Variants in TLL1 observed in about 807,000 individuals in gnomAD.
TLL1 encodes tolloid-like protein 1.
In TLL1, 49 loss-of-function variants were observed where a neutral mutation model predicts 128.2. The observed-to-expected ratio is 0.38, with a 90% CI of 0.30 to 0.48. The LOEUF (loss-of-function observed/expected upper bound fraction) is 0.48. TLL1 is among the 20% of genes least tolerant of loss of function. The pLI is 0.96. For synonymous variants in TLL1, 454 were observed against 418.8 expected (o/e 1.08, Z -1.03); for missense variants, 1,123 against 1,242.0 (o/e 0.90, Z 1.44).
chr4:165,942,150 A>C (rs1188666123), intron 1 of TLL1, among the ~76,000 whole-genome samples: 4 of 151,750 alleles, frequency 2.6e-5, no homozygotes, highest in South Asian at 2.1e-4. Context: ...TTTTTTGGCC[A>C]TTTCTCTCCA....
At chr4:166,049,993 C>T (rs1009862349) in intron 12 of TLL1, among the ~76,000 whole-genome samples, 21 of 152,184 alleles carry the variant, frequency 1.4e-4, no homozygotes, top group African/African-American at 4.8e-4. Context: ...TATCTGATTA[C>T]ATTAGCTATG....
At chr4:166,002,524 A>G (rs1299224632) in intron 5 of TLL1, among the ~76,000 whole-genome samples, 1 of 152,098 alleles carries the variant, frequency 6.6e-6, no homozygotes, top group African/African-American at 2.4e-5. Flanking sequence ...AGCTCACTGC[A>G]GACTCAAACT....
intron 1 of TLL1, among the ~76,000 whole-genome samples, chr4:165,961,579 G>C (rs543587308): frequency 1.2e-4 from 19 of 152,100 alleles, no homozygotes; most frequent in Non-Finnish European, 2.5e-4. Flanking sequence ...ATACTGCAAG[G>C]CTACAGTAAC....
At chr4:165,908,013 A>C (rs1561021257) in intron 1 of TLL1, among the ~76,000 whole-genome samples, 1 of 152,220 alleles carries the variant, frequency 6.6e-6, no homozygotes, top group African/African-American at 2.4e-5. Flanking sequence ...GTGCTTCACA[A>C]TAGGTGTGAG....
intron 1 of TLL1, among the ~76,000 whole-genome samples, chr4:165,931,514 T>A (rs185902378): frequency 3.3e-5 from 5 of 149,268 alleles, no homozygotes; most frequent in Non-Finnish European, 5.9e-5. Flanking sequence ...GTCAGGAGAT[T>A]GAGACCTCCT....
In TLL1 at chr4:166,091,338, A is replaced by G. The variant is rs770866938; in HGVS notation, c.2653A>G (p.Thr885Ala). 1 of 1,612,034 alleles carries G rather than the reference A, an allele frequency of 6.2e-7. No individual in the cohort carries two copies. ...QRKGFQATHS[T>A]ECGGRLKAES... The stretch of plus-strand genomic sequence containing the variant: ...AAAAGGCTTTCAAGCTACACATTCT[A>G]CAGGTCAGCAAATTCAAGTCATGCT... Residue 885 changes from threonine (T) to alanine (A), a missense_variant, in exon 19 of 21, where the codon ACA becomes GCA. This residue lies in a region of TLL1 where 634 missense variants were observed against 672.4 expected (regional missense o/e 0.94). Coordinates refer to ENST00000061240, the MANE Select transcript of TLL1 (RefSeq NM_012464.5).
chr4:166,018,084 C>T (rs1738035079), intron 8 of TLL1, among the ~76,000 whole-genome samples: 1 of 152,084 alleles, frequency 6.6e-6, no homozygotes, highest in African/African-American at 2.4e-5. Flanking sequence ...GTTTGGTTTT[C>T]ATACAGAGAG....
chr4:166,092,586 A>G (rs1741822357), intron 19 of TLL1, among the ~76,000 whole-genome samples: 1 of 152,080 alleles, frequency 6.6e-6, no homozygotes, highest in African/African-American at 2.4e-5. Context: ...ATAAAATCCT[A>G]TTACTTAATC....
chr4:165,874,758 G>T (rs1730648813), intron 1 of TLL1, among the ~76,000 whole-genome samples: 1 of 152,260 alleles, frequency 6.6e-6, no homozygotes, highest in Admixed American at 6.5e-5. Context: ...AATGCAGTCG[G>T]ACCGGCACTG....
At chr4:166,029,450 T>C (rs779151981) in intron 9 of TLL1, among the ~76,000 whole-genome samples, 3 of 152,068 alleles carry the variant, frequency 2.0e-5, no homozygotes, top group Non-Finnish European at 2.9e-5. Flanking sequence ...GTTTTACATG[T>C]GCAAATGCTA....
At chr4:166,074,585 C>T (rs1461053863) in intron 16 of TLL1, among the ~76,000 whole-genome samples, 1 of 151,940 alleles carries the variant, frequency 6.6e-6, no homozygotes, top group Non-Finnish European at 1.5e-5. Flanking sequence ...TCTATTGATT[C>T]CCTCTTTCTC....
chr4:166,036,417 C>T (rs1342413621), intron 9 of TLL1, among the ~76,000 whole-genome samples: 2 of 152,108 alleles, frequency 1.3e-5, no homozygotes, highest in African/African-American at 2.4e-5. Context: ...CTTATACTTA[C>T]GTCAAAAATA....
At chr4:166,027,312 A>T (rs1738547091) in intron 9 of TLL1, among the ~76,000 whole-genome samples, 2 of 152,040 alleles carry the variant, frequency 1.3e-5, no homozygotes, top group Non-Finnish European at 2.9e-5. Flanking sequence ...TTTGATTCTT[A>T]TTTACCTGGA....
At chr4:166,008,123 C>A in intron 7 of TLL1, 75 bp downstream of exon 7, 1 of 1,081,930 alleles carries the variant, frequency 9.2e-7, no homozygotes, top group Non-Finnish European at 1.4e-6. Flanking sequence ...CTATGCCTGA[C>A]ATTAGAACTA....
intron 5 of TLL1, among the ~76,000 whole-genome samples, chr4:165,998,280 T>C (rs1340780057): frequency 6.6e-6 from 1 of 152,174 alleles, no homozygotes; most frequent in African/African-American, 2.4e-5. Flanking sequence ...GTCTATTATG[T>C]AGCCTTTTAT....
chr4:165,876,373 A>T (rs1730723113), intron 1 of TLL1, among the ~76,000 whole-genome samples: 1 of 152,114 alleles, frequency 6.6e-6, no homozygotes, highest in South Asian at 2.1e-4. Context: ...GAAGATGGGG[A>T]CGGGTCTGTG....
At position 166,003,372 on chromosome 4, in the gene TLL1, A is replaced by T; in HGVS notation, c.633-19A>T. 2 of 1,613,490 alleles carry T rather than the reference A, an allele frequency of 1.2e-6. No individual in the cohort carries two copies. The highest frequency in any genetic ancestry group is 1.3e-5 in the African/African-American group (1 of 74,918). ...GCACCACCTTTCCACCACCATCTCC[A>T]CTTTCTCTTTTATTCCAGATGCTGC... On this transcript the variant is annotated intron_variant, in intron 5 of 20. Coordinates refer to ENST00000061240, the MANE Select transcript of TLL1 (RefSeq NM_012464.5).
Position 166,102,946 on chromosome 4 carries a change from TCATTAA to T in TLL1, c.*2079_*2084del, listed in dbSNP as rs1463684569. ...GAAATGGGAAAGAGAGGAGAAAAAG[TCATTAA>T]CATTAACACCTATACTGTTCTATAC... On this transcript the variant is annotated 3_prime_UTR_variant, in exon 21 of 21. Coordinates refer to ENST00000061240, the MANE Select transcript of TLL1 (RefSeq NM_012464.5). The T allele has an allele frequency of 9.2e-5, 14 of 151,894 alleles. No homozygotes were observed. Among genetic ancestry groups the T allele is most frequent in the Admixed American group, 8.5e-4 (13 of 15,214 alleles). 9.4% of individuals were successfully genotyped at this position (151,894 alleles called of 1,614,324 possible). A position where few individuals can be genotyped will look rare whatever the true frequency, so the allele number is the denominator to read the frequency against.
intron 9 of TLL1, among the ~76,000 whole-genome samples, chr4:166,037,821 A>C (rs1739069032): frequency 1.3e-5 from 2 of 152,102 alleles, no homozygotes; most frequent in African/African-American, 4.8e-5. Context: ...ATTAAAAAAA[A>C]AAAAACTTAT....
Sources: gnomAD v4.1 joint callset for allele counts (sites outside exome capture counted in the v4.1 genomes callset) on GRCh38, gnomAD v4.1.1 for gene constraint, gnomAD v4.1.1 regional missense constraint, MANE v1.5 for transcripts, NCBI Gene and HGNC (gene_info 2026-07-23, HGNC 2026-07-21) for gene names.